The following PANK2 variants were observed in gnomAD, a reference collection of about 807,000 sequenced individuals.
The protein encoded by PANK2 is pantothenate kinase 2, also known as pantothenate kinase 2, mitochondrial.
In PANK2, 36 loss-of-function variants were observed where a neutral mutation model predicts 43.1. That is an observed-to-expected ratio of 0.84 (90% confidence interval 0.64 to 1.10). PANK2 has a LOEUF of 1.10. Ranked by LOEUF, PANK2 falls within the 50% of genes least tolerant of loss-of-function variation. The pLI is 0.00. For synonymous variants in PANK2, 281 were observed against 238.2 expected (o/e 1.18, Z -1.66); for missense variants, 576 against 593.3 (o/e 0.97, Z 0.30).
chr20:3,901,921 T>A (rs975805678), intron 1 of PANK2, among the ~76,000 whole-genome samples: 1 of 152,030 alleles, frequency 6.6e-6, no homozygotes, highest in African/African-American at 2.4e-5. Flanking sequence ...GTGCTGCTGA[T>A]GAAAAGTCTG....
chr20:3,896,229 ATTTTTTTTT>A (rs35978823), intron 1 of PANK2, among the ~76,000 whole-genome samples: 7 of 111,932 alleles, frequency 6.3e-5, no homozygotes, highest in African/African-American at 1.7e-4. Context: ...CGCCTGGCTA[ATTTTTTTTT>A]TTTTTTTTTT....
At chr20:3,902,160 T>C (rs985817456) in intron 1 of PANK2, among the ~76,000 whole-genome samples, 1 of 148,862 alleles carries the variant, frequency 6.7e-6, no homozygotes, top group Non-Finnish European at 1.5e-5. Flanking sequence ...TCTCTCCCTC[T>C]CTCTTTTTTT....
intron 1 of PANK2, among the ~76,000 whole-genome samples, chr20:3,893,112 G>T (rs1329059662): frequency 2.0e-5 from 3 of 152,190 alleles, no homozygotes; most frequent in Admixed American, 6.5e-5. Context: ...AAGTCTCATA[G>T]CTATCCTGTG....
Position 3,908,142 on chromosome 20 carries a change from T to C in PANK2, c.515T>C (p.Leu172Pro). 1 of 1,614,192 alleles carries C rather than the reference T, an allele frequency of 6.2e-7. No homozygotes were observed. Among genetic ancestry groups the C allele is most frequent in the Non-Finnish European group, 8.5e-7 (1 of 1,179,994 alleles). ...ACTCTGTGTGGACGCAAAGGCAATCTGCACTTTATACGCTTTCCCACTCAT... is the reference window on the plus strand; with the variant it reads ...ACTCTGTGTGGACGCAAAGGCAATCCGCACTTTATACGCTTTCCCACTCAT... Residue 172 changes from leucine (L) to proline (P), a missense_variant, in exon 2 of 7, where the codon CTG (leucine) becomes CCG (proline). Coordinates refer to ENST00000610179, the MANE Select transcript of PANK2 (RefSeq NM_001386393.1).
At chr20:3,889,258 G>A (rs781744754), upstream of PANK2, 4 of 1,612,530 alleles carry the variant, frequency 2.5e-6, no homozygotes, top group African/African-American at 5.3e-5. Context: ...TTGGACGGAG[G>A]CACGGTCAAT....
chr20:3,910,526 T>G (rs2090452123), intron 2 of PANK2, 51 bp from the exon 3 acceptor site: 3 of 1,607,654 alleles, frequency 1.9e-6, no homozygotes, highest in African/African-American at 2.7e-5. Flanking sequence ...ATGGAATTTT[T>G]GTTTCTGTTG....
intron 4 of PANK2, among the ~76,000 whole-genome samples, chr20:3,914,052 G>A (rs2090519584): frequency 6.6e-6 from 1 of 151,970 alleles, no homozygotes; most frequent in African/African-American, 2.4e-5. Context: ...GCCTCCCAAA[G>A]TGCTGGGATT....
chr20:3,919,411 T>C (rs1475628411), intron 6 of PANK2, among the ~76,000 whole-genome samples: 10 of 152,356 alleles, frequency 6.6e-5, no homozygotes, highest in Admixed American at 3.3e-4. Context: ...GTGTCATTAC[T>C]CTGGGTTCTG....
At chr20:3,917,560 A>G (rs2090582074) in intron 5 of PANK2, 1 of 525,580 alleles carries the variant, frequency 1.9e-6, no homozygotes, top group Non-Finnish European at 4.0e-6. Flanking sequence ...GTACAGGGCT[A>G]TGAAAGAACC....
intron 1 of PANK2, among the ~76,000 whole-genome samples, chr20:3,904,748 T>C (rs931130031): frequency 4.6e-5 from 7 of 152,224 alleles, no homozygotes; most frequent in Non-Finnish European, 8.8e-5. Flanking sequence ...GGATGAGTTA[T>C]GATTTTACCT....
At chr20:3,889,977 C>T (rs1233604514) in intron 1 of PANK2, 1 of 1,461,578 alleles carries the variant, frequency 6.8e-7, no homozygotes, top group Non-Finnish European at 9.2e-7. Flanking sequence ...TTCCCCAGGA[C>T]CTGTCCTCCC....
chr20:3,889,033 C>A, upstream of PANK2: 2 of 1,347,608 alleles, frequency 1.5e-6, no homozygotes, highest in African/African-American at 1.4e-5. Context: ...CTCGGGGTCG[C>A]CCCAGGAGAG....
In PANK2 at chr20:3,926,747, C is replaced by T. The variant is rs978267129; in HGVS notation, c.*3453C>T. The T allele has an allele frequency of 3.9e-5, 6 of 152,158 alleles. No homozygotes were observed. Among genetic ancestry groups the T allele is most frequent in the Non-Finnish European group, 8.8e-5 (6 of 68,146 alleles). 9.4% of individuals were successfully genotyped at this position (152,158 alleles called of 1,614,324 possible). ...CTGAGGTCAGGAGTTCAAGACCAGC[C>T]TGGACAACATGGTGAAACCCCGTCT... On this transcript the variant is annotated 3_prime_UTR_variant, in exon 7 of 7. Transcript: ENST00000610179.
At chr20:3,889,036 CA>C (rs1568548616), upstream of PANK2, 1 of 1,373,712 alleles carries the variant, frequency 7.3e-7, no homozygotes, top group Non-Finnish European at 9.8e-7. Context: ...GGGGTCGCCC[CA>C]GGAGAGTTCC....
intron 1 of PANK2, among the ~76,000 whole-genome samples, chr20:3,901,082 TA>T: frequency 6.6e-6 from 1 of 151,676 alleles, no homozygotes; most frequent in East Asian, 1.9e-4. Flanking sequence ...ATTTAAGAGG[TA>T]GGATCTTGCT....
intron 4 of PANK2, among the ~76,000 whole-genome samples, chr20:3,916,499 CT>C (rs1159458185): frequency 2.0e-5 from 3 of 152,160 alleles, no homozygotes; most frequent in African/African-American, 7.2e-5. Flanking sequence ...TGGGACTCAG[CT>C]GTCTGTGCTT....
At chr20:3,917,625 T>C in intron 5 of PANK2, 1 of 480,346 alleles carries the variant, frequency 2.1e-6, no homozygotes, top group Admixed American at 2.2e-5. Flanking sequence ...GTGCAGCTTA[T>C]GGCTTGTCCC....
chr20:3,924,540 A>G lies in PANK2; in HGVS notation c.*1246A>G, dbSNP rs929716118. ...CCACTAGGCGTGGCCACCTCTGCAC[A>G]TGGGCCTTGGCACTTAGGAAATATG... is the stretch of plus-strand genomic sequence containing the variant. On this transcript the variant is annotated 3_prime_UTR_variant, in exon 7 of 7. Transcript: ENST00000610179. The G allele has an allele frequency of 6.6e-6, 1 of 152,646 alleles. No individual in the cohort carries two copies. The highest frequency in any genetic ancestry group is 2.4e-5 in the African/African-American group (1 of 41,452). 9.5% of individuals were successfully genotyped at this position (152,646 alleles called of 1,614,324 possible).
chr20:3,909,767 T>A (rs556470618), intron 2 of PANK2, among the ~76,000 whole-genome samples: 4 of 151,672 alleles, frequency 2.6e-5, no homozygotes, highest in East Asian at 2.0e-4. Flanking sequence ...TTTTTTTTTT[T>A]ATCTTTAGTA....
Sources: allele counts gnomAD v4.1 joint callset (sites outside exome capture counted in the v4.1 genomes callset), GRCh38; gene constraint gnomAD v4.1.1; transcripts MANE v1.5; gene names NCBI Gene and HGNC (gene_info 2026-07-23, HGNC 2026-07-21).